RUNX1: variants seen among roughly 807,000 people sequenced by gnomAD.
RUNX1 encodes RUNX family transcription factor 1, also known as runt-related transcription factor 1.
Under a neutral mutation model 42.8 loss-of-function variants are expected in RUNX1, and 19 were observed. That is an observed-to-expected ratio of 0.44 (90% CI 0.31 to 0.65). The LOEUF (loss-of-function observed/expected upper bound fraction) is 0.65. Ranked by LOEUF, RUNX1 falls within the 30% of genes least tolerant of loss-of-function variation. The pLI, the probability that RUNX1 is intolerant of heterozygous loss-of-function variation, is 0.07. For synonymous variants in RUNX1, 271 were observed against 289.4 expected (o/e 0.94, Z 0.64); for missense variants, 528 against 672.0 (o/e 0.79, Z 2.37).
chr21:34,888,629 G>T (rs377413979), intron 3 of RUNX1: 2 of 1,055,062 alleles, frequency 1.9e-6, no homozygotes, highest in Non-Finnish European at 2.3e-6. Context: ...GCCGGGCAGC[G>T]TGGTGCCCTG....
At chr21:35,005,061 A>T (rs1324257989) in intron 2 of RUNX1, among the ~76,000 whole-genome samples, 1 of 152,124 alleles carries the variant, frequency 6.6e-6, no homozygotes, top group African/African-American at 2.4e-5. Flanking sequence ...TGCTGTCACC[A>T]CTGAATTGTT....
chr21:34,870,928 A>T (rs1438489638), intron 5 of RUNX1, among the ~76,000 whole-genome samples: 1 of 152,182 alleles, frequency 6.6e-6, no homozygotes, highest in African/African-American at 2.4e-5. Flanking sequence ...ACTGCATTCC[A>T]GCCTGGTGAC....
intron 7 of RUNX1, among the ~76,000 whole-genome samples, chr21:34,812,914 G>A (rs548201413): frequency 3.9e-5 from 6 of 152,076 alleles, no homozygotes; most frequent in Admixed American, 1.3e-4. Context: ...TCAACAAGAG[G>A]GATGACCTAT....
At chr21:34,876,917 C>T (rs1302093605) in intron 5 of RUNX1, among the ~76,000 whole-genome samples, 1 of 152,050 alleles carries the variant, frequency 6.6e-6, no homozygotes, top group Non-Finnish European at 1.5e-5. Context: ...AGTGCAGTGG[C>T]GCAACCTCGG....
At position 34,907,266 on chromosome 21, in the gene RUNX1, A is replaced by T. The variant is rs2146507794; in HGVS notation, c.59-14303T>A. On this transcript the variant is annotated intron_variant, in intron 2 of 8. Transcript: ENST00000675419. This position sits in a 1 kb window ranked among gnomAD's most constrained non-coding sequence, Gnocchi z 5.3. ...AGAAGGAGATATAGACTTCTAATTT[A>T]GCAAAAAGAAGTATGCTGCCATGTG... Among the ~76,000 whole-genome samples, 1 of 152,342 alleles carries T rather than the reference A, an allele frequency of 6.6e-6. No homozygotes were observed. Among genetic ancestry groups the T allele is most frequent in the Middle Eastern group, 3.4e-3 (1 of 294 alleles).
At chr21:34,915,570 AAGCAT>A (rs2058306257) in intron 2 of RUNX1, among the ~76,000 whole-genome samples, 1 of 152,238 alleles carries the variant, frequency 6.6e-6, no homozygotes, top group South Asian at 2.1e-4. Context: ...AGCATTTTAA[AAGCAT>A]GTGAAGAAGC....
At chr21:34,887,786 C>A (rs2058020328) in intron 3 of RUNX1, 1 of 1,062,660 alleles carries the variant, frequency 9.4e-7, no homozygotes, top group Non-Finnish European at 1.1e-6. Context: ...CATTAATGTA[C>A]GCTGCAGATT....
intron 3 of RUNX1, chr21:34,889,644 G>T: frequency 6.3e-6 from 7 of 1,105,320 alleles, no homozygotes; most frequent in South Asian, 2.3e-5. Flanking sequence ...CCCCGCCCCC[G>T]TGCGCTCGAG....
At chr21:34,918,081 T>C (rs954688217) in intron 2 of RUNX1, among the ~76,000 whole-genome samples, 3 of 146,146 alleles carry the variant, frequency 2.1e-5, no homozygotes, top group Non-Finnish European at 4.5e-5. Flanking sequence ...TGAGCTGAGA[T>C]TGAGCCACTG....
At chr21:34,849,375 A>AGAATATATAATATATAG (rs2057375375) in intron 6 of RUNX1, among the ~76,000 whole-genome samples, 1 of 53,000 alleles carries the variant, frequency 1.9e-5, no homozygotes. Flanking sequence ...TATATATACT[A>AGAATATATAATATATAG]TATACATAGT....
chr21:34,794,706 T>C (rs1467543951), intron 8 of RUNX1, among the ~76,000 whole-genome samples: 2 of 151,888 alleles, frequency 1.3e-5, no homozygotes, highest in Non-Finnish European at 3.0e-5. Context: ...GATTTGTGTA[T>C]TAGGCAGGGT....
At chr21:34,925,454 C>T (rs946807358) in intron 2 of RUNX1, among the ~76,000 whole-genome samples, 1 of 152,082 alleles carries the variant, frequency 6.6e-6, no homozygotes, top group Non-Finnish European at 1.5e-5. Flanking sequence ...AAGAGGAAAG[C>T]CATGGGAAGA....
intron 6 of RUNX1, among the ~76,000 whole-genome samples, chr21:34,837,873 G>C (rs2057171710): frequency 6.6e-6 from 1 of 152,002 alleles, no homozygotes; most frequent in South Asian, 2.1e-4. Context: ...AAGCAGAGTT[G>C]AAAAAGGTCC....
At chr21:35,001,326 A>G (rs2059041603) in intron 2 of RUNX1, among the ~76,000 whole-genome samples, 1 of 143,456 alleles carries the variant, frequency 7.0e-6, no homozygotes, top group South Asian at 2.1e-4. Flanking sequence ...ATATATATAT[A>G]TATATATACG....
chr21:34,997,590 A>G (rs932264824), intron 2 of RUNX1, among the ~76,000 whole-genome samples: 1 of 152,244 alleles, frequency 6.6e-6, no homozygotes, highest in Non-Finnish European at 1.5e-5. Context: ...GATCAGCTTC[A>G]ATAGATGATA....
intron 6 of RUNX1, among the ~76,000 whole-genome samples, chr21:34,835,565 T>C (rs567113700): frequency 6.6e-6 from 1 of 152,292 alleles, no homozygotes; most frequent in African/African-American, 2.4e-5. Context: ...TTTCTCAAAA[T>C]GTCCTTAAAC....
At chr21:34,880,456 C>T in intron 5 of RUNX1, 101 bp downstream of exon 5, 1 of 1,106,316 alleles carries the variant, frequency 9.0e-7, no homozygotes, top group Non-Finnish European at 1.4e-6. Flanking sequence ...TTAAGACAGA[C>T]CGAGTTTCTA....
intron 5 of RUNX1, among the ~76,000 whole-genome samples, chr21:34,869,892 A>G (rs1304764531): frequency 6.6e-6 from 1 of 152,190 alleles, no homozygotes; most frequent in Admixed American, 6.5e-5. Context: ...CTGTTAAAAT[A>G]CGATTGGGAA....
intron 2 of RUNX1, among the ~76,000 whole-genome samples, chr21:34,985,235 CA>C (rs1042492990): frequency 1.4e-4 from 22 of 152,150 alleles, no homozygotes; most frequent in African/African-American, 5.1e-4. Context: ...ATGGTCTCAT[CA>C]TAGTTTCTTG....
Sources: allele counts gnomAD v4.1 joint callset (sites outside exome capture counted in the v4.1 genomes callset), GRCh38; gene constraint gnomAD v4.1.1; non-coding constraint Gnocchi (gnomAD v3.1); transcripts MANE v1.5; gene names NCBI Gene and HGNC (gene_info 2026-07-23, HGNC 2026-07-21).